GGTA1: variants seen among roughly 807,000 people sequenced by gnomAD.
GGTA1 encodes the protein glycoprotein alpha-galactosyltransferase 1 (inactive).
Under a neutral mutation model 2.6 loss-of-function variants are expected in GGTA1, and 5 were observed. The ratio of observed to expected loss-of-function variants is 1.92; its 90% confidence interval spans 1.00 to 4.04. The LOEUF is 4.04. Ranked by LOEUF, GGTA1 falls within the 30% of genes most tolerant of loss-of-function variation. The pLI, the probability that GGTA1 is intolerant of heterozygous loss-of-function variation, is 0.00. For synonymous variants in GGTA1, 17 were observed against 5.0 expected (o/e 3.38, Z -3.19); for missense variants, 50 against 16.7 (o/e 2.99, Z -3.47).
chr9:121,472,972 T>C (rs1251680726), intron 1 of GGTA1, among the ~76,000 whole-genome samples: 1 of 152,148 alleles, frequency 6.6e-6, no homozygotes, highest in Non-Finnish European at 1.5e-5. Flanking sequence ...TTTCTGGAGC[T>C]TATCTATGGC....
chr9:121,492,867 C>T (rs946259740), intron 1 of GGTA1, among the ~76,000 whole-genome samples: 8 of 151,332 alleles, frequency 5.3e-5, no homozygotes, highest in South Asian at 4.3e-4. Flanking sequence ...ATCTTGAGGC[C>T]GGGTGGTGGC....
At chr9:121,446,575 C>A (rs986644973) in exon 8 of GGTA1, 1 of 152,244 alleles carries the variant, frequency 6.6e-6, no homozygotes, top group Non-Finnish European at 1.5e-5. Flanking sequence ...CTGCCAAACG[C>A]TTCCCTTAGC....
intron 1 of GGTA1, among the ~76,000 whole-genome samples, chr9:121,498,204 C>T (rs1474638700): frequency 6.6e-6 from 1 of 152,212 alleles, no homozygotes; most frequent in Non-Finnish European, 1.5e-5. Context: ...CATGGTGGCC[C>T]TTGAGGCAGG....
At chr9:121,456,567 G>A (rs547459954) in intron 5 of GGTA1, among the ~76,000 whole-genome samples, 1 of 152,072 alleles carries the variant, frequency 6.6e-6, no homozygotes, top group East Asian at 1.9e-4. Flanking sequence ...ACAGGCATGG[G>A]TCACCACACC....
chr9:121,492,623 G>A (rs541770762), intron 1 of GGTA1, among the ~76,000 whole-genome samples: 76 of 152,172 alleles, frequency 5.0e-4, no homozygotes, highest in African/African-American at 1.8e-3. Flanking sequence ...ACAGGCATGG[G>A]CCACTACGCC....
chr9:121,458,714 G>C (rs1381530646), intron 5 of GGTA1, among the ~76,000 whole-genome samples: 1 of 152,046 alleles, frequency 6.6e-6, no homozygotes, highest in East Asian at 1.9e-4. Context: ...TACTCATTTG[G>C]AGATGAAGCC....
chr9:121,483,567 G>A (rs1828698278), intron 1 of GGTA1, among the ~76,000 whole-genome samples: 1 of 152,178 alleles, frequency 6.6e-6, no homozygotes, highest in African/African-American at 2.4e-5. Context: ...GCTGTCCAGA[G>A]GCTGCCCAGG....
intron 1 of GGTA1, among the ~76,000 whole-genome samples, chr9:121,495,073 C>T (rs1261617840): frequency 6.6e-6 from 1 of 151,796 alleles, no homozygotes; most frequent in Non-Finnish European, 1.5e-5. Context: ...TACAGGATTA[C>T]CACACCCAAC....
intron 1 of GGTA1, among the ~76,000 whole-genome samples, chr9:121,483,432 C>T (rs747625470): frequency 5.3e-5 from 8 of 152,182 alleles, no homozygotes; most frequent in Non-Finnish European, 8.8e-5. Flanking sequence ...CGGCCCTCCT[C>T]CTTCCCTGAC....
exon 8 of GGTA1, chr9:121,445,939 C>G (rs1366574838): frequency 6.6e-6 from 1 of 152,226 alleles, no homozygotes; most frequent in African/African-American, 2.4e-5. Context: ...TTGCAAGCCT[C>G]TTCAATCCAC....
rs1395762978 is a variant in GGTA1 at position 121,460,216 on chromosome 9, G to A, written c.186C>T (p.Ile62=). Residue 62 remains isoleucine, a synonymous_variant, in exon 5 of 6, where the codon ATC becomes ATT. Coordinates refer to ENST00000481799, the MANE Select transcript of GGTA1 (RefSeq NM_001382585.1). ...WWFLSWFNNG[I]HNYQQGEEDI... The stretch of plus-strand genomic sequence containing the variant: ...CTTCTTCCCCTTGTTGATAATTGTG[G>A]ATCCTAAGTACAAAGGGAAAGTAAA... 6.6e-6 allele frequency: 3 copies of A among 456,950 alleles called. No homozygotes were observed. 28.3% of individuals were successfully genotyped at this position (456,950 alleles called of 1,614,324 possible). A position where few individuals can be genotyped will look rare whatever the true frequency, so the allele number is the denominator to read the frequency against.
At chr9:121,449,465 G>T (rs944645360) in intron 7 of GGTA1, among the ~76,000 whole-genome samples, 26 of 152,202 alleles carry the variant, frequency 1.7e-4, no homozygotes, top group African/African-American at 6.0e-4. Context: ...ATTTGGTGTT[G>T]TCAGTGTTTT....
At chr9:121,480,061 C>CTTTTCTTTTCTGTTT (rs58602847) in intron 1 of GGTA1, among the ~76,000 whole-genome samples, 1 of 139,828 alleles carries the variant, frequency 7.2e-6, no homozygotes, top group Non-Finnish European at 1.5e-5. Context: ...CTTTTCTTTT[C>CTTTTCTTTTCTGTTT]TTTTTTTTTT....
chr9:121,491,448 T>C (rs1163134819), intron 1 of GGTA1, among the ~76,000 whole-genome samples: 1 of 152,268 alleles, frequency 6.6e-6, no homozygotes, highest in East Asian at 1.9e-4. Flanking sequence ...TCCTTGCTTC[T>C]TCCCTCTGCC....
At chr9:121,458,000 C>T (rs1163587504) in intron 5 of GGTA1, among the ~76,000 whole-genome samples, 1 of 150,610 alleles carries the variant, frequency 6.6e-6, no homozygotes, top group African/African-American at 2.4e-5. Context: ...ACCTCTGCCT[C>T]CTGGGTTCAA....
chr9:121,491,046 A>G (rs1436235836), intron 1 of GGTA1, among the ~76,000 whole-genome samples: 1 of 152,184 alleles, frequency 6.6e-6, no homozygotes, highest in Non-Finnish European at 1.5e-5. Flanking sequence ...AGAGTTTGCT[A>G]CATCAAACAC....
intron 1 of GGTA1, among the ~76,000 whole-genome samples, chr9:121,492,872 G>A (rs2118772262): frequency 6.6e-6 from 1 of 152,136 alleles, no homozygotes; most frequent in Middle Eastern, 3.4e-3. Flanking sequence ...GAGGCCGGGT[G>A]GTGGCTTGTA....
chr9:121,489,130 C>T (rs1424524274), intron 1 of GGTA1, among the ~76,000 whole-genome samples: 1 of 152,256 alleles, frequency 6.6e-6, no homozygotes, highest in East Asian at 1.9e-4. Flanking sequence ...TGTAAACTTA[C>T]AATTAAATGA....
In GGTA1 at chr9:121,494,922, C is replaced by CTTT. The variant is rs66772492; in HGVS notation, c.-10+4725_-10+4727dup. The CTTT allele has an allele frequency of 7.4e-3, 846 of 114,042 alleles. 32 individuals carry two copies. Among genetic ancestry groups the CTTT allele is most frequent in the African/African-American group, 0.022 (673 of 30,740 alleles). 7.1% of individuals were successfully genotyped at this position (114,042 alleles called of 1,614,324 possible). On this transcript the variant is annotated intron_variant, in intron 1 of 5. Transcript: ENST00000481799. ...GCGCATGGACCAAATCTACATCATT[C>CTTT]TTTTTTTTTTTTTTTTTTTTGAGAC...
Sources: gnomAD v4.1 joint callset for allele counts (sites outside exome capture counted in the v4.1 genomes callset) on GRCh38, gnomAD v4.1.1 for gene constraint, MANE v1.5 for transcripts, NCBI Gene and HGNC (gene_info 2026-07-23, HGNC 2026-07-21) for gene names.